Variants in USP32 observed in about 807,000 individuals in gnomAD.
The protein encoded by USP32 is ubiquitin carboxyl-terminal hydrolase 32.
In USP32, 59 loss-of-function variants were observed where a neutral mutation model predicts 204.8. The observed-to-expected ratio is 0.29, with a 90% CI of 0.23 to 0.36. The LOEUF (loss-of-function observed/expected upper bound fraction) is 0.36, where lower values mean the gene tolerates loss of function less well. USP32 is among the 10% of genes least tolerant of loss of function. USP32 has a pLI of 1.00. For missense variants in USP32, 1,160 were observed against 1,946.4 expected (o/e 0.60, Z 7.60); for synonymous variants, 517 against 678.4 (o/e 0.76, Z 3.70).
chr17:60,221,386 G>C (rs1436198556), intron 15 of USP32, among the ~76,000 whole-genome samples: 1 of 152,048 alleles, frequency 6.6e-6, no homozygotes. Flanking sequence ...AATTACATTA[G>C]TCTGTTTTAT....
chr17:60,290,395 GAC>G (rs1289281129), intron 4 of USP32, among the ~76,000 whole-genome samples: 4 of 152,046 alleles, frequency 2.6e-5, no homozygotes, highest in Non-Finnish European at 5.9e-5. Context: ...ATGTTGCAGG[GAC>G]ATATGAGTAC....
At chr17:60,418,105 T>C (rs1356892792) in intron 1 of USP32, among the ~76,000 whole-genome samples, 2 of 152,110 alleles carry the variant, frequency 1.3e-5, no homozygotes, top group African/African-American at 2.4e-5. Flanking sequence ...ATTATAGGCA[T>C]GTGCTACCAC....
At chr17:60,249,706 A>G (rs1320139052) in intron 11 of USP32, 1 of 700,416 alleles carries the variant, frequency 1.4e-6, no homozygotes, top group East Asian at 2.7e-5. Context: ...TAGTTCTTGA[A>G]TAAATGCTTC....
chr17:60,330,245 T>C (rs1357537014), intron 2 of USP32, among the ~76,000 whole-genome samples: 2 of 152,202 alleles, frequency 1.3e-5, no homozygotes, highest in Non-Finnish European at 2.9e-5. Context: ...TGAGACTTCC[T>C]GAGTAGCTTT....
intron 2 of USP32, 58 bp from the exon 3 acceptor site, chr17:60,301,762 G>A (rs2087583703): frequency 1.6e-6 from 2 of 1,241,160 alleles, no homozygotes; most frequent in Non-Finnish European, 2.3e-6. Context: ...AGGAATCTGA[G>A]GCAGCTATCA....
intron 30 of USP32, among the ~76,000 whole-genome samples, chr17:60,185,029 A>G (rs570324888): frequency 1.3e-5 from 2 of 152,250 alleles, no homozygotes; most frequent in South Asian, 4.2e-4. Flanking sequence ...CACACACTCA[A>G]CTCAGTAGTG....
intron 14 of USP32, among the ~76,000 whole-genome samples, chr17:60,222,838 T>C (rs1039880535): frequency 2.6e-5 from 4 of 151,800 alleles, no homozygotes; most frequent in Middle Eastern, 3.2e-3. Context: ...CACGTCACCA[T>C]GCCCGGCTAA....
intron 1 of USP32, among the ~76,000 whole-genome samples, chr17:60,376,042 T>A (rs1839214042): frequency 6.6e-6 from 1 of 152,056 alleles, no homozygotes; most frequent in South Asian, 2.1e-4. Context: ...ATAATCTAAT[T>A]TTTTTTAGTT....
intron 15 of USP32, among the ~76,000 whole-genome samples, chr17:60,220,174 T>C (rs2085207952): frequency 6.6e-6 from 1 of 152,126 alleles, no homozygotes; most frequent in African/African-American, 2.4e-5. Flanking sequence ...AAAATTGAGT[T>C]ACAAGTCAAA....
At chr17:60,210,049 T>A (rs1430714386) in intron 21 of USP32, among the ~76,000 whole-genome samples, 4 of 152,042 alleles carry the variant, frequency 2.6e-5, no homozygotes, top group Admixed American at 2.6e-4. Context: ...AACAATTACA[T>A]TTTCTGGTCT....
intron 4 of USP32, among the ~76,000 whole-genome samples, chr17:60,294,384 G>A (rs1157844412): frequency 1.0e-5 from 1 of 96,904 alleles, no homozygotes; most frequent in Non-Finnish European, 1.7e-5. Context: ...TCCTGCAGGA[G>A]TGTGTGTGTG....
At chr17:60,383,468 T>A (rs1014706199) in intron 1 of USP32, among the ~76,000 whole-genome samples, 1 of 152,190 alleles carries the variant, frequency 6.6e-6, no homozygotes, top group African/African-American at 2.4e-5. Context: ...ACTGCACCTA[T>A]CCTGACACTG....
At chr17:60,245,164 C>T (rs1394635265) in intron 11 of USP32, 2 of 167,442 alleles carry the variant, frequency 1.2e-5, no homozygotes, top group African/African-American at 4.8e-5. Flanking sequence ...ATAAAATAAA[C>T]AGAATGGTAT....
chr17:60,248,629 T>C (rs960445870), intron 11 of USP32, among the ~76,000 whole-genome samples: 1 of 152,234 alleles, frequency 6.6e-6, no homozygotes, highest in Non-Finnish European at 1.5e-5. Context: ...TCAAATCTGC[T>C]AGAATTTCTA....
chr17:60,287,852 G>A (rs1457088847), intron 5 of USP32, among the ~76,000 whole-genome samples: 1 of 152,064 alleles, frequency 6.6e-6, no homozygotes, highest in Non-Finnish European at 1.5e-5. Context: ...GGTGGCTCAC[G>A]CCTATAATTC....
intron 1 of USP32, among the ~76,000 whole-genome samples, chr17:60,400,203 G>A (rs1359105271): frequency 6.6e-6 from 1 of 152,158 alleles, no homozygotes; most frequent in Non-Finnish European, 1.5e-5. Context: ...GACCTCAGGT[G>A]ATCCACCTGC....
At chr17:60,399,874 G>A (rs1018835145) in intron 1 of USP32, among the ~76,000 whole-genome samples, 5 of 152,200 alleles carry the variant, frequency 3.3e-5, no homozygotes, top group Admixed American at 2.6e-4. Context: ...GCAACAGTGA[G>A]AGAAGGGGAT....
intron 7 of USP32, among the ~76,000 whole-genome samples, chr17:60,269,040 C>T (rs879518292): frequency 3.3e-5 from 5 of 152,122 alleles, no homozygotes; most frequent in South Asian, 2.1e-4. Flanking sequence ...TTAGTTTTGA[C>T]CATAAATTTT....
intron 2 of USP32, among the ~76,000 whole-genome samples, chr17:60,338,080 C>A (rs1193051398): frequency 6.6e-6 from 1 of 152,060 alleles, no homozygotes; most frequent in East Asian, 1.9e-4. Flanking sequence ...ATCCAGTCCC[C>A]TGGGAGGCTA....
Sources: gnomAD v4.1 joint callset for allele counts (sites outside exome capture counted in the v4.1 genomes callset) on GRCh38, gnomAD v4.1.1 for gene constraint, MANE v1.5 for transcripts, NCBI Gene and HGNC (gene_info 2026-07-23, HGNC 2026-07-21) for gene names.